Variants in CDK7 observed in about 807,000 individuals in gnomAD.
The protein encoded by CDK7 is cyclin-dependent kinase 7.
CDK7 carries 25 observed loss-of-function variants against 49.1 expected under a neutral mutation model. The ratio of observed to expected loss-of-function variants is 0.51; its 90% CI spans 0.37 to 0.71. The LOEUF is 0.71. Ranked by LOEUF, CDK7 falls within the 30% of genes least tolerant of loss-of-function variation. The pLI is 0.00. For synonymous variants in CDK7, 107 were observed against 140.0 expected (o/e 0.76, Z 1.67); for missense variants, 316 against 411.7 (o/e 0.77, Z 2.01).
chr5:69,269,679 A>G (rs1411637641), intron 9 of CDK7, among the ~76,000 whole-genome samples: 1 of 152,056 alleles, frequency 6.6e-6, no homozygotes, highest in Non-Finnish European at 1.5e-5. Flanking sequence ...TATAAAACCC[A>G]TTACACACAC....
intron 2 of CDK7, among the ~76,000 whole-genome samples, chr5:69,243,010 A>G (rs1265856945): frequency 2.6e-5 from 4 of 152,084 alleles, no homozygotes; most frequent in African/African-American, 9.7e-5. Context: ...GCACCTTTGC[A>G]CTCCAGCCTG....
chr5:69,242,530 G>A (rs1749462531), intron 2 of CDK7, among the ~76,000 whole-genome samples: 1 of 152,134 alleles, frequency 6.6e-6, no homozygotes, highest in Non-Finnish European at 1.5e-5. Context: ...AGCAATTGTG[G>A]AGGTTGCAAA....
intron 2 of CDK7, among the ~76,000 whole-genome samples, chr5:69,237,563 A>G (rs1749082092): frequency 6.6e-6 from 1 of 152,148 alleles, no homozygotes; most frequent in Admixed American, 6.5e-5. Context: ...TCGAAATTTG[A>G]AATCCTCCTA....
intron 8 of CDK7, among the ~76,000 whole-genome samples, chr5:69,268,595 G>A (rs909300501): frequency 6.6e-6 from 1 of 152,192 alleles, no homozygotes; most frequent in Non-Finnish European, 1.5e-5. Context: ...GCTGACGCCT[G>A]TAATCCCAGC....
chr5:69,241,196 C>G (rs1453692732), intron 2 of CDK7, among the ~76,000 whole-genome samples: 7 of 152,012 alleles, frequency 4.6e-5, no homozygotes, highest in African/African-American at 1.7e-4. Context: ...ATTTACATTC[C>G]CACCAACAAT....
chr5:69,269,879 G>A (rs1751415212), intron 9 of CDK7, among the ~76,000 whole-genome samples: 1 of 150,732 alleles, frequency 6.6e-6, no homozygotes, highest in Non-Finnish European at 1.5e-5. Flanking sequence ...CAGCGCACTT[G>A]GCTAACATGA....
chr5:69,236,841 A>G (rs894379673), intron 2 of CDK7, among the ~76,000 whole-genome samples: 1 of 151,216 alleles, frequency 6.6e-6, no homozygotes, highest in Non-Finnish European at 1.5e-5. Context: ...TAGTAGAGAC[A>G]GGGTTTCGCC....
At chr5:69,250,692 C>T in intron 2 of CDK7, 1 of 456,548 alleles carries the variant, frequency 2.2e-6, no homozygotes, top group Admixed American at 2.3e-5. Context: ...AAGCTGGTCC[C>T]TAAGCTGCAA....
intron 8 of CDK7, 31 bp downstream of exon 8, chr5:69,262,335 A>G: frequency 6.2e-7 from 1 of 1,613,690 alleles, no homozygotes; most frequent in Non-Finnish European, 8.5e-7. Flanking sequence ...GCACTTTAAT[A>G]TTGTTGTTGC....
At chr5:69,267,723 A>C (rs1217132497) in intron 8 of CDK7, among the ~76,000 whole-genome samples, 2 of 152,166 alleles carry the variant, frequency 1.3e-5, no homozygotes, top group African/African-American at 4.8e-5. Context: ...GTCTTTTTAC[A>C]TAGGCTTGTT....
At chr5:69,261,388 G>A (rs948307107) in intron 7 of CDK7, among the ~76,000 whole-genome samples, 1 of 152,098 alleles carries the variant, frequency 6.6e-6, no homozygotes, top group Admixed American at 6.6e-5. Context: ...TGAAGACTCT[G>A]GGAATTGACA....
chr5:69,259,831 A>G lies in CDK7; in HGVS notation c.422A>G (p.Asn141Ser), dbSNP rs542275265. 1.2e-6 allele frequency: 2 copies of G among 1,613,622 alleles called. No homozygotes were observed. The highest frequency in any genetic ancestry group is 1.3e-5 in the African/African-American group (1 of 75,042). Residue 141 changes from asparagine (N) to serine (S), a missense_variant, in exon 7 of 12, where the codon AAC becomes AGC. Coordinates refer to ENST00000256443, the MANE Select transcript of CDK7 (RefSeq NM_001799.4). ...TCCGTCATATAGGATCTGAAACCAAACAACTTGTTGCTAGATGAAAATGGA... is the reference window on the plus strand; with the variant it reads ...TCCGTCATATAGGATCTGAAACCAAGCAACTTGTTGCTAGATGAAAATGGA... Reference protein sequence around the residue: ...HWILHRDLKPNNLLLDENGVL... With the variant: ...HWILHRDLKPSNLLLDENGVL...
intron 8 of CDK7, among the ~76,000 whole-genome samples, chr5:69,268,478 T>C (rs903565781): frequency 6.6e-6 from 1 of 152,218 alleles, no homozygotes; most frequent in Non-Finnish European, 1.5e-5. Context: ...CAATACACTT[T>C]GTACTAAATT....
intron 2 of CDK7, among the ~76,000 whole-genome samples, chr5:69,242,218 A>G (rs1749443064): frequency 6.6e-6 from 1 of 152,214 alleles, no homozygotes; most frequent in Non-Finnish European, 1.5e-5. Context: ...AAGACAGTAG[A>G]TAATTCTCAA....
chr5:69,236,267 A>G (rs1258080599), intron 2 of CDK7, among the ~76,000 whole-genome samples: 1 of 151,940 alleles, frequency 6.6e-6, no homozygotes, highest in Non-Finnish European at 1.5e-5. Flanking sequence ...GATTTGGGTC[A>G]TAATTACATA....
intron 2 of CDK7, among the ~76,000 whole-genome samples, chr5:69,240,837 G>A (rs189399490): frequency 1.1e-4 from 16 of 152,244 alleles, no homozygotes; most frequent in African/African-American, 3.9e-4. Flanking sequence ...ATGTTGACCA[G>A]GATGGTCTCT....
At chr5:69,259,565 T>G (rs1750689117) in intron 6 of CDK7, among the ~76,000 whole-genome samples, 1 of 152,168 alleles carries the variant, frequency 6.6e-6, no homozygotes, top group Non-Finnish European at 1.5e-5. Context: ...AATATCAGAT[T>G]TAATCCTCAC....
intron 2 of CDK7, among the ~76,000 whole-genome samples, chr5:69,236,595 T>C (rs1481578209): frequency 6.6e-6 from 1 of 151,818 alleles, no homozygotes; most frequent in Non-Finnish European, 1.5e-5. Flanking sequence ...ATTTAAAACC[T>C]GACTGACTAC....
intron 10 of CDK7, among the ~76,000 whole-genome samples, chr5:69,274,944 G>C (rs1455979530): frequency 1.3e-5 from 2 of 151,976 alleles, no homozygotes; most frequent in African/African-American, 4.8e-5. Flanking sequence ...TGTAGCCACT[G>C]GACAGCACTA....
Sources: gnomAD v4.1 joint callset for allele counts (sites outside exome capture counted in the v4.1 genomes callset) on GRCh38, gnomAD v4.1.1 for gene constraint, MANE v1.5 for transcripts, NCBI Gene and HGNC (gene_info 2026-07-23, HGNC 2026-07-21) for gene names.